CEACAM18: variants seen among roughly 807,000 people sequenced by gnomAD.
CEACAM18 encodes the protein CEA cell adhesion molecule 18, also known as cell adhesion molecule CEACAM18.
A neutral mutation model predicts 34.3 loss-of-function variants in CEACAM18; 33 were observed. The ratio of observed to expected loss-of-function variants is 0.96; its 90% CI spans 0.73 to 1.29. CEACAM18 has a LOEUF of 1.29. Ranked by LOEUF, CEACAM18 falls within the 50% of genes most tolerant of loss-of-function variation. The probability of loss-of-function intolerance (pLI) is 0.00; values close to 1 mark genes in which losing one functional copy is unlikely to be tolerated. For missense variants in CEACAM18, 474 were observed against 485.0 expected, an observed-to-expected ratio of 0.98 and a Z score of 0.21; for synonymous variants, 169 against 180.9, an observed-to-expected ratio of 0.93 and a Z score of 0.53.
intron 3 of CEACAM18, 112 bp downstream of exon 3, chr19:51,481,777 C>A: frequency 9.1e-7 from 1 of 1,095,208 alleles, no homozygotes; most frequent in Non-Finnish European, 1.3e-6. Flanking sequence ...CTGGGCCAGC[C>A]TGCAGCCAGC....
intron 5 of CEACAM18, 60 bp from the exon 6 acceptor site, chr19:51,490,527 G>A: frequency 8.2e-7 from 1 of 1,225,186 alleles, no homozygotes. Flanking sequence ...CTCTATCCAG[G>A]ACTCTCCCAT....
exon 1 of CEACAM18, chr19:51,478,682 G>A (rs1191457770): frequency 2.0e-6 from 3 of 1,469,078 alleles, no homozygotes; most frequent in Non-Finnish European, 2.7e-6. Context: ...GTGGAGGAGG[G>A]TCTTCCTCAT....
intron 4 of CEACAM18, 92 bp downstream of exon 4, chr19:51,483,388 A>G: frequency 2.0e-6 from 3 of 1,465,352 alleles, no homozygotes; most frequent in Non-Finnish European, 2.8e-6. Context: ...TGCCACCTCC[A>G]CTGTGCCATG....
chr19:51,488,377 T>C (rs1990038048), intron 5 of CEACAM18, among the ~76,000 whole-genome samples: 3 of 152,208 alleles, frequency 2.0e-5, no homozygotes, highest in South Asian at 2.1e-4. Context: ...ATAGGAGATA[T>C]CCCTGTGAGG....
chr19:51,480,663 G>GC lies in CEACAM18; in HGVS notation c.384dup (p.Trp129LeufsTer30), dbSNP rs1989899193. ...GGCAATGAGACCCAAAGAGCAACCG[G>GC]CTGGCTGGAGGTTCTAGGTGGGTTA... On this transcript the variant is annotated frameshift_variant, in exon 2 of 6. Coordinates refer to ENST00000396477, the Ensembl canonical transcript of CEACAM18. LOFTEE classifies it high-confidence loss of function. 1 of 1,612,328 alleles carries GC rather than the reference G, an allele frequency of 6.2e-7. No individual in the cohort carries two copies. The highest frequency in any genetic ancestry group is 1.7e-5 in the Admixed American group (1 of 59,910).
In CEACAM18 at chr19:51,478,712, C is replaced by T; in HGVS notation, c.52+18C>T. On this transcript the variant is annotated intron_variant, in intron 1 of 5. Transcript: ENST00000396477. ...CCTCATGGGTAAGAGATGCTGGATG[C>T]TGGATGAGCTTCCCAGGACTGAGGG... 1 of 1,416,198 alleles carries T rather than the reference C, an allele frequency of 7.1e-7. No homozygotes were observed. The allele number at this position is 1,416,198 out of a possible 1,614,324, so 87.7% of individuals were successfully genotyped here.
At chr19:51,478,595 G>C, upstream of CEACAM18, 1 of 1,514,628 alleles carries the variant, frequency 6.6e-7, no homozygotes, top group South Asian at 1.2e-5. Flanking sequence ...AGAGGAGGTG[G>C]CTGTGTCTCT....
At chr19:51,488,844 A>C (rs1332225436) in intron 5 of CEACAM18, among the ~76,000 whole-genome samples, 2 of 152,050 alleles carry the variant, frequency 1.3e-5, no homozygotes, top group African/African-American at 4.8e-5. Flanking sequence ...CCAGGGGTGC[A>C]TTTTTGCTTT....
chr19:51,481,389 C>T lies in CEACAM18; in HGVS notation c.401-4C>T, dbSNP rs1169309664. 2 of 1,612,958 alleles carry T rather than the reference C, an allele frequency of 1.2e-6. No homozygotes were observed. The highest frequency in any genetic ancestry group is 4.5e-5 in the East Asian group (2 of 44,858). ...AATTTTTTTCTCTTTCCTGCTTCAC[C>T]CAGAGTTGGGAAGCAATCTGGGCAT... On this transcript the variant is annotated splice_region_variant and splice_polypyrimidine_tract_variant and intron_variant, in intron 2 of 5. Transcript: ENST00000396477.
At chr19:51,488,259 C>A (rs970486914) in intron 5 of CEACAM18, among the ~76,000 whole-genome samples, 6 of 152,054 alleles carry the variant, frequency 3.9e-5, no homozygotes. Context: ...AGGGCAGAAA[C>A]AGAATGATAT....
At position 51,482,491 on chromosome 19, in the gene CEACAM18, C is replaced by T. The variant is rs375393235; in HGVS notation, c.674-526C>T. Among the ~76,000 whole-genome samples, 58 of 152,294 alleles carry T rather than the reference C, an allele frequency of 3.8e-4. No homozygotes were observed. In the East Asian group the frequency reaches 0.011, roughly 28 times the overall value. On this transcript the variant is annotated intron_variant, in intron 3 of 5. Coordinates refer to ENST00000396477, the Ensembl canonical transcript of CEACAM18. ...GGTTGAGGGGTGAACAATTTCTGAC[C>T]TCCATACAGCTGTTTACAGGTCAGA...
chr19:51,483,979 A>G (rs899016640), intron 4 of CEACAM18, among the ~76,000 whole-genome samples: 9 of 152,230 alleles, frequency 5.9e-5, no homozygotes, highest in African/African-American at 2.2e-4. Flanking sequence ...CAGGGGCTCT[A>G]CAGCCCAAGG....
rs750216861 is a variant in CEACAM18, at chr19:51,483,316, G to A, written c.953+20G>A. 8 of 1,613,194 alleles carry A rather than the reference G, an allele frequency of 5.0e-6. No homozygotes were observed. Among genetic ancestry groups the A allele is most frequent in the Non-Finnish European group, 6.8e-6 (8 of 1,179,854 alleles). On this transcript the variant is annotated intron_variant, in intron 4 of 5. Coordinates refer to ENST00000396477, the Ensembl canonical transcript of CEACAM18. The stretch of plus-strand genomic sequence containing the variant: ...CCATGAGTGCAGCAGCTCCCCTCCA[G>A]GCTCATGCTTTGCACATCTCCCTGC...
rs544604638 is a variant in CEACAM18 at position 51,485,830 on chromosome 19, G to A, written c.1089+708G>A. Among the ~76,000 whole-genome samples, 105 of 152,324 alleles carry A rather than the reference G, an allele frequency of 6.9e-4. 1 individual carries two copies. The Middle Eastern group carries it at 0.014, about 20-fold the overall frequency. On this transcript the variant is annotated intron_variant, in intron 5 of 5. Transcript: ENST00000396477. ...CCTGTGCATTGTGGGACATTTAGCC[G>A]CATAACTGGCCTTTTTCCATTAGAT... is the stretch of plus-strand genomic sequence containing the variant.
chr19:51,481,609 TA>T lies in CEACAM18; in HGVS notation c.618del (p.Ile206MetfsTer16). 6.2e-7 allele frequency: 1 copy of T among 1,613,976 alleles called. No individual in the cohort carries two copies. The highest frequency in any genetic ancestry group is 1.6e-4 in the Middle Eastern group (1 of 6,062). On this transcript the variant is annotated frameshift_variant, in exon 3 of 6. Coordinates refer to ENST00000396477, the Ensembl canonical transcript of CEACAM18. LOFTEE classifies it high-confidence loss of function. Reference sequence around the variant, plus strand: ...TATGACAGAACAATTCAGTGCATGATAGAGAGTTTCCCAGAGATCTTTCAGA... The same window carrying T: ...TATGACAGAACAATTCAGTGCATGATGAGAGTTTCCCAGAGATCTTTCAGA...
intron 5 of CEACAM18, among the ~76,000 whole-genome samples, chr19:51,488,023 C>T (rs1245888310): frequency 6.6e-6 from 1 of 152,144 alleles, no homozygotes; most frequent in African/African-American, 2.4e-5. Context: ...GTAGAATGTT[C>T]TTAAAGAGTA....
At chr19:51,483,592 C>CTA (rs57761547) in intron 4 of CEACAM18, among the ~76,000 whole-genome samples, 20,274 of 152,020 alleles carry the variant, frequency 0.13, 1,890 homozygotes, top group African/African-American at 0.27. Flanking sequence ...CACCATTTCT[C>CTA]TGGAGTAAGT....
At chr19:51,478,967 C>CAT (rs1989861442) in intron 1 of CEACAM18, among the ~76,000 whole-genome samples, 1 of 151,490 alleles carries the variant, frequency 6.6e-6, no homozygotes, top group African/African-American at 2.4e-5. Flanking sequence ...CACACACACA[C>CAT]GCGCGCACAC....
intron 4 of CEACAM18, among the ~76,000 whole-genome samples, chr19:51,483,897 G>A (rs1045711042): frequency 1.3e-5 from 2 of 152,162 alleles, no homozygotes; most frequent in African/African-American, 4.8e-5. Flanking sequence ...GCAACCATGC[G>A]TCCAATCTTC....
Sources: allele counts gnomAD v4.1 joint callset (sites outside exome capture counted in the v4.1 genomes callset), GRCh38; gene constraint gnomAD v4.1.1; transcripts MANE v1.5; gene names NCBI Gene and HGNC (gene_info 2026-07-23, HGNC 2026-07-21).